Variants in PLSCR2 observed in about 807,000 individuals in gnomAD.
The protein encoded by PLSCR2 is phospholipid scramblase 2.
Under a neutral mutation model 25.3 loss-of-function variants are expected in PLSCR2, and 18 were observed. That is an observed-to-expected ratio of 0.71 (90% CI 0.49 to 1.06). The LOEUF is 1.06. Among genes scored for constraint, PLSCR2 ranks in the 50% least tolerant of loss-of-function variants. PLSCR2 has a pLI of 0.00. For missense variants in PLSCR2, 243 were observed against 269.5 expected, an observed-to-expected ratio of 0.90 and a Z score of 0.69; for synonymous variants, 88 against 87.3, an observed-to-expected ratio of 1.01 and a Z score of -0.04.
At chr3:146,468,129 C>T (rs993348742) in intron 1 of PLSCR2, among the ~76,000 whole-genome samples, 2 of 152,118 alleles carry the variant, frequency 1.3e-5, no homozygotes, top group African/African-American at 4.8e-5. Flanking sequence ...AGAATAGTTC[C>T]CTTACAGATC....
chr3:146,402,317 A>T (rs1022001880), intron 2 of PLSCR2, among the ~76,000 whole-genome samples: 9 of 152,204 alleles, frequency 5.9e-5, no homozygotes, highest in Admixed American at 2.6e-4. Context: ...TGATTTTTTA[A>T]AAACTCTAAC....
rs1284265254 is a variant in PLSCR2, at chr3:146,402,436, C to T, written c.101-6515G>A. On this transcript the variant is annotated intron_variant and NMD_transcript_variant, in intron 2 of 3. Coordinates refer to the PLSCR2 transcript ENST00000463633. Reference sequence around the variant, plus strand: ...GAAATGAGTATACACTTAATGAGTACATGTTAGTCTAACATACATTAAACA... The same window carrying T: ...GAAATGAGTATACACTTAATGAGTATATGTTAGTCTAACATACATTAAACA... 3.3e-5 allele frequency among the ~76,000 whole-genome samples: 5 copies of T among 152,106 alleles called. No homozygotes were observed. The East Asian group carries it at 9.6e-4, about 29-fold the overall frequency.
intron 1 of PLSCR2, among the ~76,000 whole-genome samples, chr3:146,466,988 T>G (rs369319960): frequency 1.9e-4 from 29 of 152,330 alleles, no homozygotes; most frequent in African/African-American, 7.0e-4. Flanking sequence ...GGCAAAACTT[T>G]TTTAAAAGCA....
chr3:146,475,835 C>T (rs372278098), intron 1 of PLSCR2, among the ~76,000 whole-genome samples: 206 of 152,246 alleles, frequency 1.4e-3, no homozygotes, highest in African/African-American at 4.7e-3. Context: ...GTCAGCCAGA[C>T]GAGAGAGATT....
chr3:146,443,540 T>C (rs769177970), intron 6 of PLSCR2, among the ~76,000 whole-genome samples: 4 of 152,016 alleles, frequency 2.6e-5, no homozygotes, highest in Non-Finnish European at 5.9e-5. Flanking sequence ...TTCCAACTTA[T>C]TGGCATACAG....
At chr3:146,485,162 A>G (rs2043296558) in intron 1 of PLSCR2, among the ~76,000 whole-genome samples, 2 of 152,128 alleles carry the variant, frequency 1.3e-5, no homozygotes, top group South Asian at 4.1e-4. Context: ...TGTCTCTGAC[A>G]AAACAGACTT....
At chr3:146,405,771 A>G (rs774340830) in intron 2 of PLSCR2, among the ~76,000 whole-genome samples, 3 of 152,218 alleles carry the variant, frequency 2.0e-5, no homozygotes, top group Non-Finnish European at 2.9e-5. Flanking sequence ...GTAGCTAACC[A>G]TGAGTTCCAG....
At chr3:146,475,663 T>C (rs1324708417) in intron 1 of PLSCR2, among the ~76,000 whole-genome samples, 4 of 152,220 alleles carry the variant, frequency 2.6e-5, no homozygotes, top group Non-Finnish European at 4.4e-5. Flanking sequence ...ATAGTAGTCA[T>C]TCAATAAATG....
At chr3:146,433,595 G>T (rs1342082531) in intron 8 of PLSCR2, 78 bp from the exon 8 acceptor site, 2 of 151,994 alleles carry the variant, frequency 1.3e-5, no homozygotes, top group South Asian at 2.1e-4. Context: ...CCTCATTTTG[G>T]GTTGGTTTTG....
intron 1 of PLSCR2, among the ~76,000 whole-genome samples, chr3:146,467,187 CACTT>C (rs1336411596): frequency 6.6e-6 from 1 of 152,054 alleles, no homozygotes; most frequent in African/African-American, 2.4e-5. Context: ...CATAAATACT[CACTT>C]AACATAAAGC....
chr3:146,428,634 C>T (rs1044144809), downstream of PLSCR2, among the ~76,000 whole-genome samples: 1 of 152,134 alleles, frequency 6.6e-6, no homozygotes, highest in African/African-American at 2.4e-5. Flanking sequence ...TATGTTTCAT[C>T]TGGTTTTAGG....
exon 6 of PLSCR2, chr3:146,449,350 TTCA>T (rs755316307): frequency 5.6e-6 from 9 of 1,595,778 alleles, no homozygotes; most frequent in East Asian, 2.2e-5. Flanking sequence ...CCACAATTTG[TTCA>T]TCAAGAGATG....
At chr3:146,473,524 T>G (rs2042189258) in intron 1 of PLSCR2, among the ~76,000 whole-genome samples, 1 of 152,144 alleles carries the variant, frequency 6.6e-6, no homozygotes, top group Non-Finnish European at 1.5e-5. Flanking sequence ...CAGGCTGGTC[T>G]TGAACCCCTG....
At chr3:146,449,123 C>T (rs1250301016) in intron 6 of PLSCR2, 83 bp downstream of exon 6, 3 of 1,022,338 alleles carry the variant, frequency 2.9e-6, no homozygotes, top group Non-Finnish European at 4.4e-6. Flanking sequence ...AAATGGTAAT[C>T]TTAAAATGTA....
At chr3:146,491,128 AT>A (rs1398054884) in intron 1 of PLSCR2, among the ~76,000 whole-genome samples, 2 of 152,084 alleles carry the variant, frequency 1.3e-5, no homozygotes, top group Non-Finnish European at 2.9e-5. Context: ...TGAATATAAA[AT>A]TCTTGGTTGG....
upstream of PLSCR2, chr3:146,461,897 A>C: frequency 2.0e-6 from 3 of 1,507,638 alleles, no homozygotes; most frequent in Non-Finnish European, 2.7e-6. Context: ...AGTTTTCAGG[A>C]GTGCCCAGTA....
In PLSCR2 at chr3:146,441,816, G is replaced by T; in HGVS notation, c.651C>A (p.Tyr217Ter). ...ATTACCTAGTTCTTTCAAAAAACAT[G>T]TAGTCCTGGATAAAAACAAAAATAC... The change falls in exon 7 of 7, where the codon TAC (tyrosine) becomes TAA (stop). Residue 217 changes from tyrosine (Y) to a stop codon, truncating the protein, a stop_gained. Coordinates refer to ENST00000610787, the Ensembl canonical transcript of PLSCR2. LOFTEE classifies it high-confidence loss of function. The T allele has an allele frequency of 1.3e-6, 2 of 1,587,086 alleles. No homozygotes were observed. The highest frequency in any genetic ancestry group is 1.7e-6 in the Non-Finnish European group (2 of 1,161,726).
intron 1 of PLSCR2, among the ~76,000 whole-genome samples, chr3:146,469,783 C>G (rs548851543): frequency 9.6e-6 from 1 of 103,832 alleles, no homozygotes; most frequent in Admixed American, 1.2e-4. Context: ...TGCACCCACC[C>G]CCCCACGCCG....
intron 2 of PLSCR2, among the ~76,000 whole-genome samples, chr3:146,422,994 T>C (rs2039200006): frequency 6.6e-6 from 1 of 152,094 alleles, no homozygotes; most frequent in East Asian, 1.9e-4. Context: ...CTATATTTCT[T>C]ATAGTATTTA....
Sources: allele counts gnomAD v4.1 joint callset (sites outside exome capture counted in the v4.1 genomes callset), GRCh38; gene constraint gnomAD v4.1.1; transcripts MANE v1.5; gene names NCBI Gene and HGNC (gene_info 2026-07-23, HGNC 2026-07-21).